MAGI3: variants seen among roughly 807,000 people sequenced by gnomAD.
MAGI3 encodes membrane associated guanylate kinase, WW and PDZ domain containing 3, also known as membrane-associated guanylate kinase, WW and PDZ domain-containing protein 3.
Under a neutral mutation model 121.8 loss-of-function variants are expected in MAGI3, and 43 were observed. The ratio of observed to expected loss-of-function variants is 0.35; its 90% confidence interval spans 0.28 to 0.46. The LOEUF is 0.46. MAGI3 is among the 20% of genes least tolerant of loss of function. The pLI is 1.00. For missense variants in MAGI3, 1,547 were observed against 1,797.3 expected, an observed-to-expected ratio of 0.86 and a Z score of 2.52; for synonymous variants, 553 against 639.3, an observed-to-expected ratio of 0.86 and a Z score of 2.04.
chr1:113,651,319 C>T, intron 14 of MAGI3, 113 bp downstream of exon 14: 2 of 992,738 alleles, frequency 2.0e-6, no homozygotes, highest in Non-Finnish European at 2.9e-6. Context: ...CTAAGATAAC[C>T]CATTTGGTGT....
intron 1 of MAGI3, among the ~76,000 whole-genome samples, chr1:113,470,484 G>A (rs1380014665): frequency 1.3e-5 from 2 of 152,012 alleles, no homozygotes; most frequent in Admixed American, 1.3e-4. Flanking sequence ...ACTTAATCAC[G>A]TGGACACATC....
chr1:113,405,775 G>C (rs757837983), intron 1 of MAGI3, among the ~76,000 whole-genome samples: 3 of 152,008 alleles, frequency 2.0e-5, no homozygotes, highest in Non-Finnish European at 4.4e-5. Context: ...TGTTTTCTCT[G>C]TACTCCGATT....
intron 1 of MAGI3, among the ~76,000 whole-genome samples, chr1:113,471,326 A>C (rs937964847): frequency 6.6e-6 from 1 of 152,236 alleles, no homozygotes. Flanking sequence ...AGAAAATTGA[A>C]AAACTCACAA....
At chr1:113,582,761 G>T (rs1197938551) in intron 3 of MAGI3, among the ~76,000 whole-genome samples, 1 of 151,836 alleles carries the variant, frequency 6.6e-6, no homozygotes, top group Non-Finnish European at 1.5e-5. Flanking sequence ...AATTGTAGAT[G>T]TGGCCATATA....
intron 1 of MAGI3, among the ~76,000 whole-genome samples, chr1:113,453,784 C>T (rs1013901970): frequency 1.3e-5 from 2 of 152,174 alleles, no homozygotes; most frequent in Non-Finnish European, 2.9e-5. Context: ...AGACTTTAAA[C>T]AATAATACTT....
In MAGI3 at chr1:113,641,944, T is replaced by C; in HGVS notation, c.1394T>C (p.Val465Ala). The C allele has an allele frequency of 1.3e-6, 2 of 1,596,622 alleles. No individual in the cohort carries two copies. Among genetic ancestry groups the C allele is most frequent in the South Asian group, 1.1e-5 (1 of 90,430 alleles). The change falls in exon 10 of 21, where the codon GTC becomes GCC. Residue 465 changes from valine (V) to alanine (A), a missense_variant. Coordinates refer to ENST00000307546, the MANE Select transcript of MAGI3 (RefSeq NM_001142782.2). ...ATTGTAGACATCAATGGCAACTGTGTCCTCGGTCACACTCATGCAGATGTT... is the reference window on the plus strand; with the variant it reads ...ATTGTAGACATCAATGGCAACTGTGCCCTCGGTCACACTCATGCAGATGTT... ...DVIVDINGNC[V>A]LGHTHADVVQ...
chr1:113,567,407 C>T (rs369510975), intron 2 of MAGI3, among the ~76,000 whole-genome samples: 1 of 151,996 alleles, frequency 6.6e-6, no homozygotes, highest in African/African-American at 2.4e-5. Flanking sequence ...GAAAGGGACA[C>T]TCTCAAACTC....
intron 1 of MAGI3, among the ~76,000 whole-genome samples, chr1:113,541,060 A>C (rs1490877156): frequency 3.3e-5 from 5 of 151,106 alleles, no homozygotes; most frequent in Non-Finnish European, 4.4e-5. Flanking sequence ...TTATAAATGC[A>C]TTAAAAAATA....
intron 1 of MAGI3, among the ~76,000 whole-genome samples, chr1:113,483,946 G>T (rs1453480236): frequency 6.6e-6 from 1 of 152,022 alleles, no homozygotes; most frequent in African/African-American, 2.4e-5. Flanking sequence ...ACCCATTTGA[G>T]AGTGAGTTGC....
chr1:113,630,601 C>T (rs1017043275), intron 9 of MAGI3, among the ~76,000 whole-genome samples: 4 of 152,172 alleles, frequency 2.6e-5, no homozygotes, highest in East Asian at 1.9e-4. Flanking sequence ...GCCCAGTATC[C>T]GTGGTGTATT....
At chr1:113,464,995 C>T (rs1456890378) in intron 1 of MAGI3, among the ~76,000 whole-genome samples, 1 of 152,052 alleles carries the variant, frequency 6.6e-6, no homozygotes, top group Admixed American at 6.6e-5. Flanking sequence ...GAGCTTTTAG[C>T]TTGATATAAT....
At chr1:113,661,455 A>G (rs1340215269) in intron 16 of MAGI3, among the ~76,000 whole-genome samples, 1 of 152,244 alleles carries the variant, frequency 6.6e-6, no homozygotes, top group Non-Finnish European at 1.5e-5. Flanking sequence ...TGGTTAAAAA[A>G]TGTTCTAAAT....
intron 1 of MAGI3, among the ~76,000 whole-genome samples, chr1:113,485,329 G>T (rs559579010): frequency 5.3e-5 from 8 of 152,092 alleles, no homozygotes; most frequent in East Asian, 1.9e-4. Flanking sequence ...ATTATTTTTT[G>T]ATTTTTTTGA....
intron 2 of MAGI3, among the ~76,000 whole-genome samples, chr1:113,563,785 C>A (rs150461158): frequency 2.0e-4 from 30 of 152,302 alleles, no homozygotes; most frequent in African/African-American, 7.2e-4. Flanking sequence ...AGGTAGCTTG[C>A]TGGCGAATTT....
intron 1 of MAGI3, among the ~76,000 whole-genome samples, chr1:113,407,018 G>A (rs1456497811): frequency 6.6e-6 from 1 of 152,140 alleles, no homozygotes; most frequent in African/African-American, 2.4e-5. Flanking sequence ...GGCTGATATG[G>A]CTGGCACCAA....
At chr1:113,506,621 TGTA>T (rs1657342387) in intron 1 of MAGI3, among the ~76,000 whole-genome samples, 1 of 152,178 alleles carries the variant, frequency 6.6e-6, no homozygotes, top group African/African-American at 2.4e-5. Flanking sequence ...ACAACCCTAT[TGTA>T]ACAAAAACCA....
rs574274169 is a variant in MAGI3, at chr1:113,684,736, A to G, written c.*722A>G. ...TTGAAATAAGAAAGTACTTTAAGCA[A>G]TAGAGTTCATCTCCTGCTGTGTTAT... On this transcript the variant is annotated 3_prime_UTR_variant, in exon 21 of 21. Transcript: ENST00000307546. 2.0e-5 allele frequency: 3 copies of G among 152,498 alleles called. No homozygotes were observed. The highest frequency in any genetic ancestry group is 7.2e-5 in the African/African-American group (3 of 41,580). 9.4% of individuals were successfully genotyped at this position (152,498 alleles called of 1,614,324 possible).
At chr1:113,638,821 G>A (rs2101816337) in intron 9 of MAGI3, among the ~76,000 whole-genome samples, 1 of 152,332 alleles carries the variant, frequency 6.6e-6, no homozygotes, top group East Asian at 1.9e-4. Flanking sequence ...GTTTGTCTGT[G>A]CCCCGCCCCC....
At chr1:113,614,721 G>C (rs1650354457) in intron 7 of MAGI3, 63 bp downstream of exon 7, 1 of 1,174,378 alleles carries the variant, frequency 8.5e-7, no homozygotes. Flanking sequence ...TAGCTTTAGA[G>C]AATACTGGAT....
Sources: gnomAD v4.1 joint callset for allele counts (sites outside exome capture counted in the v4.1 genomes callset) on GRCh38, gnomAD v4.1.1 for gene constraint, MANE v1.5 for transcripts, NCBI Gene and HGNC (gene_info 2026-07-23, HGNC 2026-07-21) for gene names.